The following LRCH2 variants were observed in gnomAD, a reference collection of about 807,000 sequenced individuals.
The protein encoded by LRCH2 is leucine rich repeats and calponin homology domain containing 2, also known as leucine-rich repeat and calponin homology domain-containing protein 2.
LRCH2 carries 38 observed loss-of-function variants against 68.9 expected under a neutral mutation model. The observed-to-expected ratio is 0.55, with a 90% CI of 0.43 to 0.72. The LOEUF (loss-of-function observed/expected upper bound fraction) is 0.72, where lower values mean the gene tolerates loss of function less well. LRCH2 is among the 30% of genes least tolerant of loss of function. LRCH2 has a pLI of 0.00. For synonymous variants in LRCH2, 191 were observed against 208.1 expected (o/e 0.92, Z 0.71); for missense variants, 528 against 572.9 (o/e 0.92, Z 0.80).
At chrX:115,131,115 A>ATT (rs201389470) in intron 14 of LRCH2, among the ~76,000 whole-genome samples, 1 of 110,098 alleles carries the variant, frequency 9.1e-6, no homozygotes, top group African/African-American at 3.3e-5. Context: ...TTTGTGGTCA[A>ATT]TTTTTTTTAT....
chrX:115,233,584 T>A (rs1318148504), intron 1 of LRCH2, 109 bp downstream of exon 1: 22 of 819,192 alleles, frequency 2.7e-5, no homozygotes, highest in Non-Finnish European at 3.5e-5. Context: ...AGTCTGGCGG[T>A]CCCCGCGCAC....
At chrX:115,167,239 A>G (rs2072570130) in intron 6 of LRCH2, among the ~76,000 whole-genome samples, 1 of 105,943 alleles carries the variant, frequency 9.4e-6, no homozygotes, top group Admixed American at 1.0e-4. Context: ...CAACAAAAAA[A>G]AACTTTTTTT....
intron 1 of LRCH2, chrX:115,192,660 G>T: frequency 8.6e-7 from 1 of 1,163,917 alleles, no homozygotes; most frequent in South Asian, 1.9e-5. Context: ...GAACAGACTT[G>T]GGCCCAAAAA....
At chrX:115,135,776 A>C (rs1377023898) in intron 14 of LRCH2, among the ~76,000 whole-genome samples, 1 of 107,865 alleles carries the variant, frequency 9.3e-6, no homozygotes, top group East Asian at 3.0e-4. Flanking sequence ...ATATTCACCC[A>C]ATTTTCAGCA....
chrX:115,166,358 T>C lies in LRCH2; in HGVS notation c.999-16A>G, dbSNP rs782355038. The C allele has an allele frequency of 4.0e-5, 43 of 1,070,417 alleles. 1 individual carries two copies. The Admixed American group carries it at 5.8e-4, about 14-fold the overall frequency. The allele number at this position is 1,070,417 out of a possible 1,213,427, so 88.2% of individuals were successfully genotyped here. ...ATCTTCCATACTATGGAAATAGAAA[T>C]CCTAAGAGCAGTTAGGATTTTCTTC... On this transcript the variant is annotated splice_polypyrimidine_tract_variant and intron_variant, in intron 6 of 20. Coordinates refer to ENST00000317135, the MANE Select transcript of LRCH2 (RefSeq NM_020871.4).
chrX:115,164,293 TA>T (rs2072541732), intron 10 of LRCH2, among the ~76,000 whole-genome samples: 1 of 111,826 alleles, frequency 8.9e-6, no homozygotes, highest in South Asian at 3.6e-4. Context: ...AAAATACTAA[TA>T]TGTCATCTTT....
At chrX:115,186,420 C>T (rs1333068696) in intron 2 of LRCH2, among the ~76,000 whole-genome samples, 1 of 110,610 alleles carries the variant, frequency 9.0e-6, no homozygotes, top group Non-Finnish European at 1.9e-5. Context: ...TTCTTAATAC[C>T]GGCAAATAAA....
At chrX:115,233,622 G>A in intron 1 of LRCH2, 71 bp downstream of exon 1, 1 of 1,008,493 alleles carries the variant, frequency 9.9e-7, no homozygotes, top group East Asian at 3.4e-5. Context: ...GTCCAACAAC[G>A]CAGCCACGCA....
intron 5 of LRCH2, among the ~76,000 whole-genome samples, chrX:115,178,087 G>A (rs1283442585): frequency 9.0e-6 from 1 of 111,653 alleles, no homozygotes; most frequent in Non-Finnish European, 1.9e-5. Flanking sequence ...TCTCTAAGGA[G>A]TAAACACCAG....
chrX:115,231,340 T>C (rs1556578395), intron 1 of LRCH2, among the ~76,000 whole-genome samples: 1 of 111,793 alleles, frequency 8.9e-6, no homozygotes, highest in East Asian at 2.8e-4. Context: ...TACATATGTA[T>C]GTATAATCTC....
intron 20 of LRCH2, among the ~76,000 whole-genome samples, chrX:115,114,770 ATAAT>A (rs1400192099): frequency 9.0e-6 from 1 of 110,777 alleles, no homozygotes; most frequent in African/African-American, 3.3e-5. Context: ...CTTTGAAAGA[ATAAT>A]TAAATGATTC....
intron 12 of LRCH2, among the ~76,000 whole-genome samples, chrX:115,155,610 A>T (rs2072468765): frequency 8.9e-6 from 1 of 112,212 alleles, no homozygotes; most frequent in Admixed American, 9.5e-5. Flanking sequence ...CAATAGTAAT[A>T]ACTTAGTTTA....
chrX:115,192,689 A>G (rs1005719965), intron 1 of LRCH2: 5 of 1,126,664 alleles, frequency 4.4e-6, no homozygotes, highest in African/African-American at 1.8e-5. Context: ...CAAAGAAACA[A>G]AAAGAAGAAC....
chrX:115,132,654 G>A (rs1239815572), intron 14 of LRCH2, among the ~76,000 whole-genome samples: 1 of 111,857 alleles, frequency 8.9e-6, no homozygotes, highest in Non-Finnish European at 1.9e-5. Flanking sequence ...TAATCTAGCA[G>A]CATGTTCTTT....
intron 1 of LRCH2, among the ~76,000 whole-genome samples, chrX:115,210,206 T>G (rs953365422): frequency 3.3e-4 from 37 of 111,725 alleles, no homozygotes; most frequent in African/African-American, 1.0e-3. Context: ...TCAGAGGTCT[T>G]CACAGCAGCC....
intron 5 of LRCH2, among the ~76,000 whole-genome samples, chrX:115,175,773 C>T (rs1556550018): frequency 8.9e-6 from 1 of 112,432 alleles, no homozygotes; most frequent in Non-Finnish European, 1.9e-5. Flanking sequence ...AGCACCCCTT[C>T]TCATATGCCT....
intron 15 of LRCH2, among the ~76,000 whole-genome samples, chrX:115,128,276 T>C (rs782734008): frequency 7.3e-4 from 82 of 111,882 alleles, no homozygotes; most frequent in African/African-American, 2.6e-3. Context: ...ACAAATATTT[T>C]AGGCTTTGTG....
rs782663714 is a variant in LRCH2, at chrX:115,208,996, G to A, written c.350-20626C>T. On this transcript the variant is annotated intron_variant, in intron 1 of 20. Coordinates refer to ENST00000317135, the MANE Select transcript of LRCH2 (RefSeq NM_020871.4). Reference sequence around the variant, plus strand: ...CTCTGATAAAATTCCTAATAATGAAGTGTGCTGTTTGAACACATCTTCATC... The same window carrying A: ...CTCTGATAAAATTCCTAATAATGAAATGTGCTGTTTGAACACATCTTCATC... 1.1e-3 allele frequency among the ~76,000 whole-genome samples: 119 copies of A among 112,044 alleles called. 1 individual carries two copies. The highest frequency in any genetic ancestry group is 2.6e-4 in the Non-Finnish European group (14 of 53,286).
In LRCH2 at chrX:115,233,925, G is replaced by A; in HGVS notation, c.117C>T (p.Gly39=). 1.7e-6 allele frequency: 2 copies of A among 1,159,696 alleles called. No individual in the cohort carries two copies. The highest frequency in any genetic ancestry group is 3.3e-5 in the East Asian group (1 of 30,573). ...GGGGGGAGGG[G]GGGGGTLVVP... ...CCACCAGGGTCCCGCCGCCGCCGCC[G>A]CCTCCCCCTCCAGCCCCGCCACCTC... The change falls in exon 1 of 21, where the codon GGC becomes GGT. Residue 39 remains glycine, a synonymous_variant. Transcript: ENST00000317135.
Sources: allele counts gnomAD v4.1 joint callset (sites outside exome capture counted in the v4.1 genomes callset), GRCh38; gene constraint gnomAD v4.1.1; transcripts MANE v1.5; gene names NCBI Gene and HGNC (gene_info 2026-07-23, HGNC 2026-07-21).